The following SASH1 variants were observed in gnomAD, a reference collection of about 807,000 sequenced individuals.
SASH1 encodes the protein SAM and SH3 domain-containing protein 1.
SASH1 carries 44 observed loss-of-function variants against 125.2 expected under a neutral mutation model. That is an observed-to-expected ratio of 0.35 (90% CI 0.28 to 0.45). The LOEUF (loss-of-function observed/expected upper bound fraction) is 0.45, where lower values mean the gene tolerates loss of function less well. SASH1 is among the 20% of genes least tolerant of loss of function. The pLI, the probability that SASH1 is intolerant of heterozygous loss-of-function variation, is 1.00. For missense variants in SASH1, 1,426 were observed against 1,614.5 expected, an observed-to-expected ratio of 0.88 and a Z score of 2.00; for synonymous variants, 639 against 649.1, an observed-to-expected ratio of 0.98 and a Z score of 0.24.
At chr6:148,419,629 C>T (rs138606424) in intron 2 of SASH1, among the ~76,000 whole-genome samples, 2 of 152,312 alleles carry the variant, frequency 1.3e-5, no homozygotes, top group Non-Finnish European at 1.5e-5. Context: ...AGACTCGCTG[C>T]TTTTATCTGC....
chr6:148,379,604 A>AATCCATCC (rs966181555), intron 1 of SASH1, among the ~76,000 whole-genome samples: 56 of 152,000 alleles, frequency 3.7e-4, no homozygotes, highest in Middle Eastern at 3.4e-3. Flanking sequence ...TCCATCCATC[A>AATCCATCC]ATCCATCCAT....
At chr6:148,260,032 A>T in the SASH1 span, among the ~76,000 whole-genome samples, 1 of 152,262 alleles carries the variant, frequency 6.6e-6, no homozygotes, top group East Asian at 1.9e-4. Context: ...ACTATAAGGC[A>T]TGTACCACTG....
At chr6:148,304,913 C>A (rs1283672266) in intron 1 of SASH1, among the ~76,000 whole-genome samples, 1 of 152,002 alleles carries the variant, frequency 6.6e-6, no homozygotes. Flanking sequence ...TGCCTGTAAT[C>A]CCAGCCACTT....
chr6:148,230,739 A>G, the SASH1 span, among the ~76,000 whole-genome samples: 101 of 152,120 alleles, frequency 6.6e-4, no homozygotes, highest in Non-Finnish European at 1.2e-3. Context: ...TGTGGTTTTG[A>G]TTTGAATTTC....
At chr6:148,303,822 T>TA (rs774566224) in intron 1 of SASH1, among the ~76,000 whole-genome samples, 4 of 146,320 alleles carry the variant, frequency 2.7e-5, no homozygotes, top group East Asian at 2.1e-4. Context: ...AATAAATAAA[T>TA]AAATAAAATA....
chr6:148,330,622 G>T (rs1379907014), intron 1 of SASH1, among the ~76,000 whole-genome samples: 3 of 152,028 alleles, frequency 2.0e-5, no homozygotes, highest in African/African-American at 7.2e-5. Flanking sequence ...TTTCCCTCTT[G>T]TCGCCCAGGC....
intron 1 of SASH1, among the ~76,000 whole-genome samples, chr6:148,386,084 C>T (rs111999604): frequency 3.9e-5 from 6 of 152,086 alleles, no homozygotes; most frequent in African/African-American, 1.4e-4. Context: ...TCGGTAGTGT[C>T]GGATTTGAAC....
chr6:148,394,901 C>T (rs1783887254), intron 2 of SASH1, among the ~76,000 whole-genome samples: 1 of 152,198 alleles, frequency 6.6e-6, no homozygotes, highest in South Asian at 2.1e-4. Flanking sequence ...GCCTCGGCCT[C>T]CCAAAGAGCT....
chr6:148,335,464 C>CAAA (rs534202487), intron 1 of SASH1, among the ~76,000 whole-genome samples: 23 of 79,812 alleles, frequency 2.9e-4, no homozygotes, highest in Non-Finnish European at 3.5e-4. Flanking sequence ...GACTCTGTCT[C>CAAA]AAAAAAAAAA....
the SASH1 span, among the ~76,000 whole-genome samples, chr6:148,224,031 T>G: frequency 6.6e-6 from 1 of 152,354 alleles, no homozygotes; most frequent in Non-Finnish European, 1.5e-5. Context: ...CAGTGGCTTA[T>G]GCCTGTAATC....
At chr6:148,288,964 T>C (rs1030911567) in intron 1 of SASH1, among the ~76,000 whole-genome samples, 1 of 152,148 alleles carries the variant, frequency 6.6e-6, no homozygotes, top group Non-Finnish European at 1.5e-5. Context: ...CGGTGCACAA[T>C]TTAGGGCATG....
At chr6:148,392,640 A>C (rs976215690) in intron 2 of SASH1, among the ~76,000 whole-genome samples, 4 of 152,186 alleles carry the variant, frequency 2.6e-5, no homozygotes, top group African/African-American at 9.7e-5. Flanking sequence ...GAGTAACATT[A>C]TATCATGACT....
At chr6:148,256,167 G>C in the SASH1 span, among the ~76,000 whole-genome samples, 11 of 152,130 alleles carry the variant, frequency 7.2e-5, no homozygotes, top group Admixed American at 3.3e-4. Flanking sequence ...ATTTAAAGTA[G>C]TTTTTCTATG....
intron 11 of SASH1, among the ~76,000 whole-genome samples, chr6:148,526,823 T>C (rs184128658): frequency 2.3e-4 from 35 of 151,536 alleles, no homozygotes; most frequent in African/African-American, 8.2e-4. Context: ...CCCTCTATTC[T>C]CCCCCATTGC....
At chr6:148,358,264 AGGACT>A (rs1454148699) in intron 1 of SASH1, among the ~76,000 whole-genome samples, 41 of 152,308 alleles carry the variant, frequency 2.7e-4, no homozygotes, top group Non-Finnish European at 1.3e-4. Context: ...GAGTTGCTCA[AGGACT>A]GTAGGTCACC....
At chr6:148,290,885 T>TAAAA (rs58070477) in intron 1 of SASH1, among the ~76,000 whole-genome samples, 1 of 138,760 alleles carries the variant, frequency 7.2e-6, no homozygotes, top group East Asian at 2.0e-4. Flanking sequence ...AAAAAAAAGT[T>TAAAA]AAAAAAAAAA....
intron 8 of SASH1, among the ~76,000 whole-genome samples, chr6:148,493,069 CT>C (rs1467660867): frequency 6.6e-6 from 1 of 152,120 alleles, no homozygotes; most frequent in African/African-American, 2.4e-5. Flanking sequence ...AGTGACTTCT[CT>C]TTTGGCTGAG....
the SASH1 span, among the ~76,000 whole-genome samples, chr6:148,223,596 A>G: frequency 0.048 from 7,338 of 152,264 alleles, 419 homozygotes; most frequent in East Asian, 0.26. Context: ...CCCATTTTAA[A>G]TGTGATGTCT....
At chr6:148,247,601 C>T in the SASH1 span, among the ~76,000 whole-genome samples, 4 of 152,292 alleles carry the variant, frequency 2.6e-5, no homozygotes, top group Admixed American at 6.5e-5. Flanking sequence ...AGCTGGAATG[C>T]AGTTGTGGTC....
Sources: allele counts gnomAD v4.1 joint callset (sites outside exome capture counted in the v4.1 genomes callset), GRCh38; gene constraint gnomAD v4.1.1; transcripts MANE v1.5; gene names NCBI Gene and HGNC (gene_info 2026-07-23, HGNC 2026-07-21).